Variants in SLC7A7 observed in about 807,000 individuals in gnomAD.
SLC7A7 encodes solute carrier family 7 member 7.
In SLC7A7, 39 loss-of-function variants were observed where a neutral mutation model predicts 47.9. That is an observed-to-expected ratio of 0.81 (90% confidence interval 0.63 to 1.06). SLC7A7 has a LOEUF of 1.06. Among genes scored for constraint, SLC7A7 ranks in the 50% least tolerant of loss-of-function variants. The pLI, the probability that SLC7A7 is intolerant of heterozygous loss-of-function variation, is 0.00. For missense variants in SLC7A7, 588 were observed against 632.0 expected, an observed-to-expected ratio of 0.93 and a Z score of 0.75; for synonymous variants, 234 against 242.8, an observed-to-expected ratio of 0.96 and a Z score of 0.34.
intron 2 of SLC7A7, 89 bp downstream of exon 2, chr14:22,812,811 C>T: frequency 8.8e-7 from 1 of 1,138,138 alleles, no homozygotes; most frequent in East Asian, 2.6e-5. Context: ...AGACATTCCT[C>T]TCTATCTCCT....
chr14:22,791,925 C>T (rs188639971), intron 2 of SLC7A7, among the ~76,000 whole-genome samples: 2 of 151,684 alleles, frequency 1.3e-5, no homozygotes, highest in South Asian at 4.2e-4. Flanking sequence ...AGCTCCGCCT[C>T]CTGGGTTCAC....
intron 7 of SLC7A7, among the ~76,000 whole-genome samples, chr14:22,774,900 G>GT (rs1403898399): frequency 4.6e-5 from 7 of 152,142 alleles, no homozygotes; most frequent in Admixed American, 4.6e-4. Flanking sequence ...CACTCAAAAA[G>GT]TTTCAGATTT....
chr14:22,792,586 G>C (rs1345479553), intron 2 of SLC7A7, among the ~76,000 whole-genome samples: 1 of 152,100 alleles, frequency 6.6e-6, no homozygotes, highest in Non-Finnish European at 1.5e-5. Flanking sequence ...AGGCGTGGTG[G>C]TGGCTCACAC....
chr14:22,777,946 G>C (rs1453884282), intron 4 of SLC7A7, among the ~76,000 whole-genome samples: 1 of 152,092 alleles, frequency 6.6e-6, no homozygotes, highest in Non-Finnish European at 1.5e-5. Context: ...GTGGTGGCAG[G>C]CACCTGTAAT....
rs2038581482 is a variant in SLC7A7, at chr14:22,775,428, C to G, written c.1095+16G>C. On this transcript the variant is annotated intron_variant, in intron 7 of 9. Coordinates refer to ENST00000674313, the MANE Select transcript of SLC7A7 (RefSeq NM_003982.4). ...CCCGCAATCTGGCTTTCAGTCTCAT[C>G]CTTGAGTTCACTTACATTGAAGAGC... The G allele has an allele frequency of 1.2e-6, 2 of 1,606,902 alleles. No individual in the cohort carries two copies. Among genetic ancestry groups the G allele is most frequent in the Non-Finnish European group, 1.7e-6 (2 of 1,173,530 alleles).
At chr14:22,785,890 C>T (rs1244276429) in intron 2 of SLC7A7, among the ~76,000 whole-genome samples, 24 of 151,746 alleles carry the variant, frequency 1.6e-4, no homozygotes, top group Admixed American at 1.2e-3. Context: ...GGTGTGGTGG[C>T]AGGCGCCTAT....
At chr14:22,812,840 C>A in intron 2 of SLC7A7, 60 bp downstream of exon 2, 1 of 1,552,036 alleles carries the variant, frequency 6.4e-7, no homozygotes, top group Non-Finnish European at 8.7e-7. Flanking sequence ...CCAGACTGCA[C>A]TCACATCCCA....
intron 3 of SLC7A7, among the ~76,000 whole-genome samples, chr14:22,779,383 G>A (rs1007113834): frequency 6.6e-6 from 1 of 152,112 alleles, no homozygotes; most frequent in African/African-American, 2.4e-5. Flanking sequence ...ACAGACTTTT[G>A]GGTCAGTTGT....
intron 4 of SLC7A7, among the ~76,000 whole-genome samples, chr14:22,777,166 AG>A (rs562929948): frequency 9.4e-5 from 13 of 137,996 alleles, no homozygotes; most frequent in South Asian, 2.4e-4. Flanking sequence ...AAAAAAAAAA[AG>A]CAGGGCGGGG....
intron 5 of SLC7A7, 72 bp downstream of exon 5, chr14:22,776,123 A>C: frequency 6.2e-7 from 1 of 1,603,650 alleles, no homozygotes; most frequent in Non-Finnish European, 8.5e-7. Flanking sequence ...CCTTTCCAGG[A>C]CTTTCAAGAG....
intron 2 of SLC7A7, among the ~76,000 whole-genome samples, chr14:22,804,999 C>A (rs2039176691): frequency 6.6e-6 from 1 of 152,016 alleles, no homozygotes. Flanking sequence ...AAGAGTGAAA[C>A]TTCGTCTCAA....
At position 22,809,459 on chromosome 14, in the gene SLC7A7, G is replaced by A. The variant is rs544482952; in HGVS notation, c.499+3441C>T. 1.7e-4 allele frequency among the ~76,000 whole-genome samples: 26 copies of A among 151,926 alleles called. No homozygotes were observed. In the South Asian group the frequency reaches 4.8e-3, roughly 28 times the overall value. On this transcript the variant is annotated intron_variant, in intron 2 of 9. Coordinates refer to ENST00000674313, the MANE Select transcript of SLC7A7 (RefSeq NM_003982.4). The stretch of plus-strand genomic sequence containing the variant: ...GGGTTCAAGCGATTCCCCTGCCTCA[G>A]CCTCCCAAGTAGCTGGGACTATAGG...
chr14:22,775,384 T>A, intron 7 of SLC7A7, 60 bp downstream of exon 7: 1 of 1,289,676 alleles, frequency 7.8e-7, no homozygotes, highest in Non-Finnish European at 1.1e-6. Flanking sequence ...CAGTCGCTTC[T>A]GCTGTTACTA....
intron 2 of SLC7A7, among the ~76,000 whole-genome samples, chr14:22,784,305 G>A (rs1269836507): frequency 6.6e-6 from 1 of 152,188 alleles, no homozygotes; most frequent in Non-Finnish European, 1.5e-5. Flanking sequence ...ACCCCAGGGG[G>A]AGAAAAAAAG....
chr14:22,776,810 A>G (rs985214509), intron 4 of SLC7A7, among the ~76,000 whole-genome samples: 4 of 152,282 alleles, frequency 2.6e-5, no homozygotes, highest in South Asian at 4.1e-4. Context: ...CCTACTAAAA[A>G]TATAAATAAT....
chr14:22,803,238 G>A (rs1390089136), intron 2 of SLC7A7, among the ~76,000 whole-genome samples: 2 of 151,964 alleles, frequency 1.3e-5, no homozygotes, highest in Admixed American at 6.6e-5. Flanking sequence ...TGACTAACAT[G>A]GTGAAACCCT....
chr14:22,783,252 G>A (rs1489100620), intron 2 of SLC7A7, among the ~76,000 whole-genome samples: 4 of 151,186 alleles, frequency 2.6e-5, no homozygotes, highest in African/African-American at 7.3e-5. Context: ...TTTTAGAGAC[G>A]GGGTCTTGCT....
intron 2 of SLC7A7, among the ~76,000 whole-genome samples, chr14:22,795,266 G>A (rs1168335721): frequency 3.2e-5 from 2 of 61,668 alleles, no homozygotes; most frequent in Admixed American, 1.7e-4. Flanking sequence ...TTTTTTTTTT[G>A]TAGAGACCAA....
intron 2 of SLC7A7, chr14:22,780,402 A>C (rs186875705): frequency 3.4e-6 from 1 of 298,146 alleles, no homozygotes; most frequent in South Asian, 3.4e-5. Context: ...CTGAAAAGTC[A>C]TGGTCTCTCC....
Sources: gnomAD v4.1 joint callset for allele counts (sites outside exome capture counted in the v4.1 genomes callset) on GRCh38, gnomAD v4.1.1 for gene constraint, MANE v1.5 for transcripts, NCBI Gene and HGNC (gene_info 2026-07-23, HGNC 2026-07-21) for gene names.